The following AQR variants were observed in gnomAD, a reference collection of about 807,000 sequenced individuals.
The protein encoded by AQR is aquarius intron-binding spliceosomal factor.
AQR carries 61 observed loss-of-function variants against 180.5 expected under a neutral mutation model. That is an observed-to-expected ratio of 0.34 (90% confidence interval 0.28 to 0.42). The LOEUF is 0.42. Among genes scored for constraint, AQR ranks in the 10% least tolerant of loss-of-function variants. The probability of loss-of-function intolerance (pLI) is 1.00; values close to 1 mark genes in which losing one functional copy is unlikely to be tolerated. For missense variants in AQR, 1,281 were observed against 1,798.3 expected (o/e 0.71, Z 5.20); for synonymous variants, 551 against 588.8 (o/e 0.94, Z 0.93).
chr15:34,964,197 A>G (rs370718874), intron 2 of AQR, 37 bp downstream of exon 2: 12 of 1,436,754 alleles, frequency 8.4e-6, no homozygotes, highest in Non-Finnish European at 1.2e-5. Context: ...AAGGAGTGTA[A>G]CTTCTCAAGA....
intron 7 of AQR, among the ~76,000 whole-genome samples, chr15:34,941,267 C>T (rs1025067716): frequency 1.3e-5 from 2 of 152,038 alleles, no homozygotes; most frequent in Admixed American, 1.3e-4. Context: ...ACTTAAAGAG[C>T]TAAGTCTGAA....
chr15:34,936,750 A>G (rs1269671988), intron 9 of AQR, among the ~76,000 whole-genome samples: 3 of 152,054 alleles, frequency 2.0e-5, no homozygotes, highest in Non-Finnish European at 2.9e-5. Flanking sequence ...CTGACAGTAT[A>G]TAAACAATAG....
intron 6 of AQR, 142 bp downstream of exon 6, chr15:34,944,146 G>A (rs551429210): frequency 1.2e-4 from 84 of 685,364 alleles, no homozygotes; most frequent in Non-Finnish European, 1.7e-4. Flanking sequence ...ACTGATAAGT[G>A]GCTGAAATCA....
intron 33 of AQR, among the ~76,000 whole-genome samples, chr15:34,862,506 G>A (rs967505811): frequency 2.0e-5 from 3 of 152,092 alleles, no homozygotes; most frequent in African/African-American, 7.2e-5. Flanking sequence ...GTAAAGAACT[G>A]CCTGCCTAAT....
intron 13 of AQR, among the ~76,000 whole-genome samples, chr15:34,926,641 A>G (rs1423710734): frequency 6.6e-6 from 1 of 152,248 alleles, no homozygotes; most frequent in Non-Finnish European, 1.5e-5. Context: ...CAGATAGCTA[A>G]CTGCCAGAGG....
chr15:34,884,870 A>C, intron 25 of AQR, 136 bp from the exon 26 acceptor site: 1 of 671,544 alleles, frequency 1.5e-6, no homozygotes, highest in Non-Finnish European at 2.4e-6. Context: ...ATCCAATATA[A>C]CTATTCTTCA....
chr15:34,875,393 CTT>C (rs1395360738), intron 28 of AQR, among the ~76,000 whole-genome samples: 1 of 152,286 alleles, frequency 6.6e-6, no homozygotes, highest in African/African-American at 2.4e-5. Context: ...AGTAGCTTCA[CTT>C]ATAAAAACAA....
intron 23 of AQR, among the ~76,000 whole-genome samples, chr15:34,892,009 G>A (rs945595573): frequency 6.6e-6 from 1 of 152,072 alleles, no homozygotes; most frequent in Non-Finnish European, 1.5e-5. Flanking sequence ...ATGATCACCA[G>A]AGTAACTGAT....
intron 9 of AQR, 22 bp downstream of exon 9, chr15:34,938,715 C>T: frequency 7.4e-7 from 1 of 1,350,940 alleles, no homozygotes; most frequent in Non-Finnish European, 1.0e-6. Flanking sequence ...TTCACAAATG[C>T]ACTGAGTAAA....
At position 34,886,755 on chromosome 15, in the gene AQR, AAG is replaced by A; in HGVS notation, c.2682-96_2682-95del. On this transcript the variant is annotated intron_variant, in intron 24 of 34. Transcript: ENST00000156471. ...ATTCAAGAAAATCATAATAGCAAAG[AAG>A]AGGAAAAAAAACTAGAAGATATGGC... 4 of 1,294,432 alleles carry A rather than the reference AAG, an allele frequency of 3.1e-6. No individual in the cohort carries two copies. In the East Asian group the frequency reaches 9.7e-5, roughly 32 times the overall value. The allele number at this position is 1,294,432 out of a possible 1,614,324, so 80.2% of individuals were successfully genotyped here.
intron 24 of AQR, 42 bp from the exon 25 acceptor site, chr15:34,886,703 G>C (rs1219470627): frequency 3.8e-6 from 6 of 1,562,080 alleles, no homozygotes; most frequent in South Asian, 3.6e-5. Flanking sequence ...CTGTAATAAA[G>C]AGACTTTGAA....
intron 20 of AQR, among the ~76,000 whole-genome samples, chr15:34,898,239 C>T (rs918899820): frequency 6.6e-6 from 1 of 152,120 alleles, no homozygotes; most frequent in Non-Finnish European, 1.5e-5. Context: ...GCTTTTAAGG[C>T]AGAGGGTCAT....
chr15:34,928,291 C>T (rs758722869), intron 12 of AQR, among the ~76,000 whole-genome samples: 1 of 151,772 alleles, frequency 6.6e-6, no homozygotes, highest in Non-Finnish European at 1.5e-5. Flanking sequence ...CATAGGTATA[C>T]ATGTGCCATG....
At chr15:34,928,263 A>T (rs1015756079) in intron 12 of AQR, among the ~76,000 whole-genome samples, 2 of 152,068 alleles carry the variant, frequency 1.3e-5, no homozygotes, top group African/African-American at 4.8e-5. Flanking sequence ...ATACATGTGG[A>T]AATGTGCAGG....
chr15:34,949,605 CAAAAAA>C (rs538711417), intron 4 of AQR, among the ~76,000 whole-genome samples: 1 of 49,682 alleles, frequency 2.0e-5, no homozygotes, highest in Non-Finnish European at 3.6e-5. Flanking sequence ...GACTCCGTCA[CAAAAAA>C]AAAAAAAAAA....
intron 16 of AQR, 131 bp from the exon 17 acceptor site, chr15:34,910,444 C>CT: frequency 2.0e-6 from 2 of 977,222 alleles, no homozygotes; most frequent in Non-Finnish European, 2.9e-6. Context: ...ACTCTTATTT[C>CT]TTAACTTAAA....
At position 34,896,885 on chromosome 15, in the gene AQR, C is replaced by T. The variant is rs1352363893; in HGVS notation, c.2460+12G>A. On this transcript the variant is annotated intron_variant, in intron 22 of 34. Transcript: ENST00000156471. ...CAAACAAACAAACAAACAGGTGTAA[C>T]AATTCTCTTACCATAGTCAGCCCAG... 8 of 1,601,952 alleles carry T rather than the reference C, an allele frequency of 5.0e-6. No individual in the cohort carries two copies. The highest frequency in any genetic ancestry group is 6.8e-6 in the Non-Finnish European group (8 of 1,169,286).
chr15:34,884,583 T>C lies in AQR; in HGVS notation c.2969A>G (p.Asp990Gly). The change falls in exon 26 of 35, where the codon GAC (aspartate) becomes GGC (glycine). Residue 990 changes from aspartate (D) to glycine (G), a missense_variant. Transcript: ENST00000156471. ...PIFKGRSYEE[D>G]MEIAEGCFRH... ...GAAACATCCTTCAGCAATTTCCATG[T>C]CTTCTTCATAAGATCTTCCTTTAAA... 2 of 1,603,462 alleles carry C rather than the reference T, an allele frequency of 1.2e-6. No homozygotes were observed. Among genetic ancestry groups the C allele is most frequent in the South Asian group, 1.1e-5 (1 of 87,848 alleles).
chr15:34,902,780 CTCTT>C (rs770039154), intron 19 of AQR, among the ~76,000 whole-genome samples: 5 of 152,116 alleles, frequency 3.3e-5, no homozygotes, highest in South Asian at 4.1e-4. Context: ...AACTTGGAAA[CTCTT>C]AGATTTCTCC....
Sources: gnomAD v4.1 joint callset for allele counts (sites outside exome capture counted in the v4.1 genomes callset) on GRCh38, gnomAD v4.1.1 for gene constraint, MANE v1.5 for transcripts, NCBI Gene and HGNC (gene_info 2026-07-23, HGNC 2026-07-21) for gene names.